The following GOT2 variants were observed in gnomAD, a reference collection of about 807,000 sequenced individuals.
GOT2 encodes the protein aspartate aminotransferase, mitochondrial.
GOT2 carries 17 observed loss-of-function variants against 50.0 expected under a neutral mutation model. The ratio of observed to expected loss-of-function variants is 0.34; its 90% CI spans 0.23 to 0.51. The LOEUF (loss-of-function observed/expected upper bound fraction) is 0.51. Ranked by LOEUF, GOT2 falls within the 20% of genes least tolerant of loss-of-function variation. GOT2 has a pLI of 0.97. For missense variants in GOT2, 430 were observed against 559.6 expected (o/e 0.77, Z 2.34); for synonymous variants, 172 against 204.9 (o/e 0.84, Z 1.37).
chr16:58,729,046 A>G (rs1297777732), intron 1 of GOT2, among the ~76,000 whole-genome samples: 2 of 151,864 alleles, frequency 1.3e-5, no homozygotes, highest in Non-Finnish European at 2.9e-5. Context: ...AGACACTGCC[A>G]TTATCACCCT....
At chr16:58,710,431 C>T (rs190773023) in intron 8 of GOT2, among the ~76,000 whole-genome samples, 106 of 150,724 alleles carry the variant, frequency 7.0e-4, no homozygotes, top group African/African-American at 2.5e-3. Flanking sequence ...AGGGTCTCCC[C>T]ATTTTGCCCA....
chr16:58,723,918 C>T lies in GOT2; in HGVS notation c.90-16G>A. 6.2e-7 allele frequency: 1 copy of T among 1,609,580 alleles called. No individual in the cohort carries two copies. Among genetic ancestry groups the T allele is most frequent in the African/African-American group, 1.3e-5 (1 of 74,854 alleles). ...CCACCAGGAGCTGAAATGAGAAACA[C>T]ATTAGCTCAATCCCATTAGCTAGAT... On this transcript the variant is annotated splice_polypyrimidine_tract_variant and intron_variant, in intron 1 of 9. Transcript: ENST00000245206.
At chr16:58,719,142 A>G in intron 4 of GOT2, 54 bp downstream of exon 4, 1 of 1,241,142 alleles carries the variant, frequency 8.1e-7, no homozygotes, top group Non-Finnish European at 1.2e-6. Flanking sequence ...ACACAACAGG[A>G]AGCCCTGTCA....
intron 1 of GOT2, among the ~76,000 whole-genome samples, chr16:58,729,368 A>C (rs527807074): frequency 4.0e-5 from 6 of 150,174 alleles, no homozygotes; most frequent in Non-Finnish European, 7.4e-5. Flanking sequence ...TTCATTTTTC[A>C]AAAGATGGTC....
At chr16:58,715,081 C>T (rs892909951) in intron 8 of GOT2, among the ~76,000 whole-genome samples, 3 of 152,096 alleles carry the variant, frequency 2.0e-5, no homozygotes, top group Admixed American at 6.6e-5. Flanking sequence ...CAGTGGCTCA[C>T]ACCTGCAATC....
At chr16:58,719,900 C>T (rs980349609) in intron 3 of GOT2, among the ~76,000 whole-genome samples, 7 of 152,018 alleles carry the variant, frequency 4.6e-5, no homozygotes, top group African/African-American at 1.7e-4. Context: ...GATAACATTA[C>T]AACATTTTAA....
At chr16:58,729,730 T>TG (rs1165169972) in intron 1 of GOT2, among the ~76,000 whole-genome samples, 1 of 151,708 alleles carries the variant, frequency 6.6e-6, no homozygotes, top group Non-Finnish European at 1.5e-5. Context: ...ATTCTTTTTT[T>TG]TTGTTTTTGT....
chr16:58,724,279 G>A (rs1008288648), intron 1 of GOT2, among the ~76,000 whole-genome samples: 1 of 149,542 alleles, frequency 6.7e-6, no homozygotes, highest in Non-Finnish European at 1.5e-5. Flanking sequence ...TTGCTATTCT[G>A]ACAAACTTTT....
intron 7 of GOT2, 102 bp from the exon 8 acceptor site, chr16:58,716,281 AC>A: frequency 1.8e-6 from 2 of 1,138,134 alleles, no homozygotes; most frequent in Non-Finnish European, 2.5e-6. Context: ...CATCCAAAGG[AC>A]CCCAAAATAA....
rs527865301 is a variant in GOT2, at chr16:58,709,294, A to G, written c.1170+123T>C. The G allele has an allele frequency of 5.8e-4, 514 of 885,094 alleles. 5 individuals carry two copies. The Admixed American group carries it at 0.012, about 21-fold the overall frequency. 54.8% of individuals were successfully genotyped at this position (885,094 alleles called of 1,614,324 possible). A position where few individuals can be genotyped will look rare whatever the true frequency, so the allele number is the denominator to read the frequency against. On this transcript the variant is annotated intron_variant, in intron 9 of 9. Transcript: ENST00000245206. ...AACAAAAACAAAAACAAAACAAAAC[A>G]AAACAAAACAAAACAAAAAACCCGA...
At chr16:58,714,609 T>G (rs2044676552) in intron 8 of GOT2, among the ~76,000 whole-genome samples, 1 of 150,922 alleles carries the variant, frequency 6.6e-6, no homozygotes, top group Admixed American at 6.6e-5. Context: ...TCCCAGCTAC[T>G]CGGGAGGCTG....
In GOT2 at chr16:58,709,329, A is replaced by G. The variant is rs1597695912; in HGVS notation, c.1170+88T>C. ...AAAACAAAAAACCCGAAAACATTAA[A>G]TAAAAAAGAAAAAAGAAAAAAAAGT... On this transcript the variant is annotated intron_variant, in intron 9 of 9. Transcript: ENST00000245206. 3.5e-6 allele frequency: 4 copies of G among 1,138,384 alleles called. No homozygotes were observed. The East Asian group carries it at 7.4e-5, about 21-fold the overall frequency. 70.5% of individuals were successfully genotyped at this position (1,138,384 alleles called of 1,614,324 possible).
intron 4 of GOT2, 124 bp downstream of exon 4, chr16:58,719,072 G>A (rs1441040468): frequency 2.3e-5 from 17 of 743,128 alleles, no homozygotes; most frequent in Middle Eastern, 2.3e-4. Flanking sequence ...CATGAGAATA[G>A]GACATCTGCA....
chr16:58,727,181 C>T (rs1482068021), intron 1 of GOT2, among the ~76,000 whole-genome samples: 1 of 152,090 alleles, frequency 6.6e-6, no homozygotes, highest in East Asian at 1.9e-4. Flanking sequence ...AGAGATGGGT[C>T]TCACTCCGTC....
At position 58,707,770 on chromosome 16, in the gene GOT2, C is replaced by G. The variant is rs2044615638; in HGVS notation, c.*401G>C. On this transcript the variant is annotated 3_prime_UTR_variant, in exon 10 of 10. Transcript: ENST00000245206. ...GGGAGGACAGACACGAGGCCGACTA[C>G]TCATGACAGAACTAGGCCTTCTCTC... The G allele has an allele frequency of 6.5e-6, 1 of 154,208 alleles. No homozygotes were observed. Among genetic ancestry groups the G allele is most frequent in the Admixed American group, 6.5e-5 (1 of 15,400 alleles). 9.6% of individuals were successfully genotyped at this position (154,208 alleles called of 1,614,324 possible). A position where few individuals can be genotyped will look rare whatever the true frequency, so the allele number is the denominator to read the frequency against.
At chr16:58,728,186 C>T (rs955866563) in intron 1 of GOT2, among the ~76,000 whole-genome samples, 9 of 152,116 alleles carry the variant, frequency 5.9e-5, no homozygotes, top group African/African-American at 1.7e-4. Flanking sequence ...TTTTGGATTT[C>T]CCAGGCTCTT....
Position 58,716,140 on chromosome 16 carries a change from G to C in GOT2, c.893C>G (p.Ala298Gly), listed in dbSNP as rs781130480. ...TGACTCTACCCTTTTGGCTTCATCC[G>C]CATCTTTGCAGACCATAGTGAAGGC... Reference protein sequence around the residue: ...VGAFTMVCKDADEAKRVESQL... With the variant: ...VGAFTMVCKDGDEAKRVESQL... The change falls in exon 8 of 10, where the codon GCG becomes GGG. Residue 298 changes from alanine to glycine, a missense_variant. By Grantham distance (60) the Ala-to-Gly change is moderately conservative. Transcript: ENST00000245206. The C allele has an allele frequency of 6.2e-7, 1 of 1,613,636 alleles. No homozygotes were observed.
In GOT2 at chr16:58,707,578, G is replaced by T. The variant is rs535708598; in HGVS notation, c.*593C>A. 6.6e-6 allele frequency: 1 copy of T among 152,308 alleles called. No homozygotes were observed. Among genetic ancestry groups the T allele is most frequent in the East Asian group, 1.9e-4 (1 of 5,182 alleles). The allele number at this position is 152,308 out of a possible 1,614,324, so 9.4% of individuals were successfully genotyped here. On this transcript the variant is annotated 3_prime_UTR_variant, in exon 10 of 10. Coordinates refer to ENST00000245206, the MANE Select transcript of GOT2 (RefSeq NM_002080.4). ...TCTGCAATAGTTAAAAAATCTTTGC[G>T]TGTAAGGAAAAGAACGGCAATGACA...
chr16:58,715,687 G>A (rs2044686610), intron 8 of GOT2, among the ~76,000 whole-genome samples: 1 of 152,124 alleles, frequency 6.6e-6, no homozygotes, highest in Non-Finnish European at 1.5e-5. Context: ...CGAGTAGCTG[G>A]GATTACAGGC....
Sources: gnomAD v4.1 joint callset for allele counts (sites outside exome capture counted in the v4.1 genomes callset) on GRCh38, gnomAD v4.1.1 for gene constraint, MANE v1.5 for transcripts, NCBI Gene and HGNC (gene_info 2026-07-23, HGNC 2026-07-21) for gene names.